Variants in AHDC1 observed in about 807,000 individuals in gnomAD.
AHDC1 encodes transcription factor Gibbin.
Under a neutral mutation model 87.9 loss-of-function variants are expected in AHDC1, and 7 were observed. That is an observed-to-expected ratio of 0.08 (90% CI 0.05 to 0.15). AHDC1 has a LOEUF of 0.15. Ranked by LOEUF, AHDC1 falls within the 10% of genes least tolerant of loss-of-function variation. The pLI, the probability that AHDC1 is intolerant of heterozygous loss-of-function variation, is 1.00. For synonymous variants in AHDC1, 1,051 were observed against 1,006.8 expected (o/e 1.04, Z -0.83); for missense variants, 1,841 against 2,253.2 (o/e 0.82, Z 3.70).
rs758464071 is a variant in AHDC1, at chr1:27,547,895, G to A, written c.4221C>T (p.Gly1407=). Residue 1407 remains glycine, a synonymous_variant, in exon 8 of 9, where the codon GGC becomes GGT. Transcript: ENST00000673934. The surrounding 1 kb of genome is among the most constrained non-coding windows in gnomAD (Gnocchi z 4.9). ...AYSPTCSPTL[G]FKEELRPPPT... is the part of the protein sequence containing the mutation. ...GCGGTGGCCGCAGCTCTTCCTTGAA[G>A]CCCAGTGTAGGCGAGCAGGTGGGCG... The A allele has an allele frequency of 4.5e-6, 7 of 1,559,854 alleles. No homozygotes were observed. The highest frequency in any genetic ancestry group is 1.4e-5 in the African/African-American group (1 of 74,010).
Position 27,563,779 on chromosome 1 carries a change from GGTGCTGGGGGAGAGGA to G in AHDC1, c.-628-4912_-628-4897del, listed in dbSNP as rs1163517929. On this transcript the variant is annotated intron_variant, in intron 3 of 8. Coordinates refer to ENST00000673934, the MANE Select transcript of AHDC1 (RefSeq NM_001371928.1). This position sits in a 1 kb window ranked among gnomAD's most constrained non-coding sequence, Gnocchi z 6.1. ...TGCTGTGGCTTCCCGCCCAGTGGCG[GGTGCTGGGGGAGAGGA>G]GTGCTGGGGAGGAAGCTGCCTGGAC... Among the ~76,000 whole-genome samples the G allele has an allele frequency of 1.3e-5, 2 of 152,190 alleles. No individual in the cohort carries two copies. The highest frequency in any genetic ancestry group is 4.8e-5 in the African/African-American group (2 of 41,428).
At chr1:27,596,547 G>C (rs2089376613) in intron 3 of AHDC1, among the ~76,000 whole-genome samples, 1 of 152,056 alleles carries the variant, frequency 6.6e-6, no homozygotes. Flanking sequence ...TTCCTGTTCA[G>C]GTAGCACTCA....
In AHDC1 at chr1:27,549,293, G is replaced by A. The variant is rs369475345; in HGVS notation, c.2823C>T (p.Ala941=). 199 of 1,604,392 alleles carry A rather than the reference G, an allele frequency of 1.2e-4. 3 individuals carry two copies. In the South Asian group the frequency reaches 1.5e-3, roughly 12 times the overall value. The change falls in exon 8 of 9, where the codon GCC becomes GCT. Residue 941 remains alanine (A), a synonymous_variant. Transcript: ENST00000673934. ...LTPAASDCRA[A]ETFPKLVPPP... ...GGGGCACCAGCTTGGGGAAGGTCTC[G>A]GCTGCCCGGCAGTCTGAAGCGGCTG... is the stretch of plus-strand genomic sequence containing the variant.
At position 27,534,557 on chromosome 1, in the gene AHDC1, A is replaced by T. The variant is rs1407515161; in HGVS notation, c.*403T>A. On this transcript the variant is annotated 3_prime_UTR_variant, in exon 9 of 9. Coordinates refer to ENST00000673934, the MANE Select transcript of AHDC1 (RefSeq NM_001371928.1). The stretch of plus-strand genomic sequence containing the variant: ...GGATATTGTTCATTTTTGTCAAACG[A>T]CCTGTAGATAAATTTCTCAGTGCAT... The T allele has an allele frequency of 6.6e-6, 1 of 152,100 alleles. No individual in the cohort carries two copies. The highest frequency in any genetic ancestry group is 1.5e-5 in the Non-Finnish European group (1 of 68,012). 9.4% of individuals were successfully genotyped at this position (152,100 alleles called of 1,614,324 possible).
At chr1:27,576,116 C>G (rs2088737263) in intron 3 of AHDC1, among the ~76,000 whole-genome samples, 1 of 152,204 alleles carries the variant, frequency 6.6e-6, no homozygotes, top group African/African-American at 2.4e-5. Flanking sequence ...CACTGGCGGC[C>G]CGGCGCTCCC....
chr1:27,595,422 G>A lies in AHDC1; in HGVS notation c.-629+7975C>T, dbSNP rs981415807. Among the ~76,000 whole-genome samples the A allele has an allele frequency of 1.5e-4, 23 of 149,070 alleles. No individual in the cohort carries two copies. Among genetic ancestry groups the A allele is most frequent in the African/African-American group, 5.6e-4 (22 of 39,478 alleles). On this transcript the variant is annotated intron_variant, in intron 3 of 8. Coordinates refer to ENST00000673934, the MANE Select transcript of AHDC1 (RefSeq NM_001371928.1). The surrounding 1 kb of genome is among the most constrained non-coding windows in gnomAD (Gnocchi z 4.0). ...TATCTGGCAGTGTTGGGGTTGGATAGGGGGTTGATATGCTGAGGGTGTGAT... is the reference window on the plus strand; with the variant it reads ...TATCTGGCAGTGTTGGGGTTGGATAAGGGGTTGATATGCTGAGGGTGTGAT...
chr1:27,588,594 C>T (rs769818238), intron 3 of AHDC1, among the ~76,000 whole-genome samples: 1 of 152,120 alleles, frequency 6.6e-6, no homozygotes, highest in Non-Finnish European at 1.5e-5. Flanking sequence ...TGCAGCAGGC[C>T]ACACTCTTGG....
chr1:27,570,228 C>T (rs1366097887), intron 3 of AHDC1, among the ~76,000 whole-genome samples: 4 of 152,050 alleles, frequency 2.6e-5, no homozygotes, highest in Admixed American at 1.3e-4. Context: ...CAGATACCTC[C>T]GCCCAAGCAG....
intron 3 of AHDC1, among the ~76,000 whole-genome samples, chr1:27,576,267 C>T (rs1021174175): frequency 6.6e-6 from 1 of 152,190 alleles, no homozygotes; most frequent in African/African-American, 2.4e-5. Context: ...GTTTTGTTTG[C>T]TGTGTGCCTC....
intron 3 of AHDC1, among the ~76,000 whole-genome samples, chr1:27,601,378 G>T (rs1410548604): frequency 6.6e-6 from 1 of 152,210 alleles, no homozygotes; most frequent in Admixed American, 6.5e-5. Context: ...CCTGGGGAGG[G>T]GGCAATGCCT....
intron 3 of AHDC1, among the ~76,000 whole-genome samples, chr1:27,564,117 G>A (rs192561389): frequency 3.9e-5 from 6 of 152,050 alleles, no homozygotes; most frequent in Admixed American, 1.3e-4. Flanking sequence ...CAGAGCTGGG[G>A]ACAAGGAGGC....
At chr1:27,597,335 TTG>T (rs58592828) in intron 3 of AHDC1, among the ~76,000 whole-genome samples, 12,855 of 149,128 alleles carry the variant, frequency 0.086, 1,406 homozygotes, top group African/African-American at 0.26. Flanking sequence ...TGTCACAAAT[TTG>T]TGTGTGTGTG....
chr1:27,576,071 G>C (rs1212413581), intron 3 of AHDC1, among the ~76,000 whole-genome samples: 1 of 152,146 alleles, frequency 6.6e-6, no homozygotes, highest in Non-Finnish European at 1.5e-5. Context: ...GTGGCTCCAG[G>C]GCGCCCGCTA....
chr1:27,569,097 G>C (rs2020457701), intron 3 of AHDC1, among the ~76,000 whole-genome samples: 1 of 148,928 alleles, frequency 6.7e-6, no homozygotes, highest in Admixed American at 6.7e-5. Flanking sequence ...AAATCATCTG[G>C]ATACTACCCC....
chr1:27,602,444 GC>G (rs145789675), intron 3 of AHDC1, among the ~76,000 whole-genome samples: 1,761 of 152,244 alleles, frequency 0.012, 50 homozygotes, highest in African/African-American at 0.04. Flanking sequence ...CTCATCCCCA[GC>G]CCCCAAACTC....
At chr1:27,566,647 A>G (rs1338564943) in intron 3 of AHDC1, among the ~76,000 whole-genome samples, 2 of 118,550 alleles carry the variant, frequency 1.7e-5, no homozygotes, top group Non-Finnish European at 3.4e-5. Flanking sequence ...TGTGGGGGGA[A>G]CAGCAGTAGG....
Position 27,563,985 on chromosome 1 carries a change from G to A in AHDC1, c.-628-5102C>T, listed in dbSNP as rs1027439786. 2.6e-5 allele frequency among the ~76,000 whole-genome samples: 4 copies of A among 152,176 alleles called. No homozygotes were observed. Among genetic ancestry groups the A allele is most frequent in the Non-Finnish European group, 5.9e-5 (4 of 68,024 alleles). ...CTTAGAGATCAGTGGGGAGTAGGGC[G>A]GTTAGGGGTTGCTATCACCATGTGC... On this transcript the variant is annotated intron_variant, in intron 3 of 8. Coordinates refer to ENST00000673934, the MANE Select transcript of AHDC1 (RefSeq NM_001371928.1). The surrounding 1 kb of genome is among the most constrained non-coding windows in gnomAD (Gnocchi z 6.1).
intron 3 of AHDC1, among the ~76,000 whole-genome samples, chr1:27,587,872 G>T (rs372999782): frequency 6.6e-6 from 1 of 152,158 alleles, no homozygotes; most frequent in Non-Finnish European, 1.5e-5. Context: ...CTCAGGAACT[G>T]GAACCCCACT....
In AHDC1 at chr1:27,547,522, C is replaced by T; in HGVS notation, c.4594G>A (p.Ala1532Thr). ...CAGCCATAGCCAGCAGCGGCTGCAGCAGGGCCACGGGGTGGGCCAGGGGGC... is the reference window on the plus strand; with the variant it reads ...CAGCCATAGCCAGCAGCGGCTGCAGTAGGGCCACGGGGTGGGCCAGGGGGC... ...ARPPGPPRGP[A>T]AAAAGYGCPL... is the part of the protein sequence containing the mutation. The change falls in exon 8 of 9, where the codon GCT becomes ACT. Residue 1532 changes from alanine (A) to threonine (T), a missense_variant. Transcript: ENST00000673934. The surrounding 1 kb of genome is among the most constrained non-coding windows in gnomAD (Gnocchi z 4.9). 6.2e-7 allele frequency: 1 copy of T among 1,610,130 alleles called. No individual in the cohort carries two copies. The highest frequency in any genetic ancestry group is 1.1e-5 in the South Asian group (1 of 90,914).
Sources: gnomAD v4.1 joint callset for allele counts (sites outside exome capture counted in the v4.1 genomes callset) on GRCh38, gnomAD v4.1.1 for gene constraint, Gnocchi (gnomAD v3.1) non-coding constraint, MANE v1.5 for transcripts, NCBI Gene and HGNC (gene_info 2026-07-23, HGNC 2026-07-21) for gene names.